CEP295: variants seen among roughly 807,000 people sequenced by gnomAD.
CEP295 encodes the protein centrosomal protein of 295 kDa.
In CEP295, 190 loss-of-function variants were observed where a neutral mutation model predicts 291.6. The observed-to-expected ratio is 0.65, with a 90% CI of 0.58 to 0.73. The LOEUF (loss-of-function observed/expected upper bound fraction) is 0.73, where lower values mean the gene tolerates loss of function less well. CEP295 is among the 30% of genes least tolerant of loss of function. The pLI, the probability that CEP295 is intolerant of heterozygous loss-of-function variation, is 0.00. For synonymous variants in CEP295, 993 were observed against 1,038.8 expected (o/e 0.96, Z 0.85); for missense variants, 2,863 against 2,949.4 (o/e 0.97, Z 0.68).
At chr11:93,669,557 A>G in intron 4 of CEP295, 120 bp from the exon 5 acceptor site, 1 of 612,454 alleles carries the variant, frequency 1.6e-6, no homozygotes, top group Non-Finnish European at 2.9e-6. Flanking sequence ...TGTAAAGCTT[A>G]CTGAGCCTGT....
intron 20 of CEP295, chr11:93,722,564 A>T (rs1007252936): frequency 3.1e-5 from 5 of 160,318 alleles, no homozygotes; most frequent in South Asian, 1.8e-4. Context: ...ATCCCCAACA[A>T]TACTTTTGAG....
chr11:93,695,369 T>C, intron 12 of CEP295, 128 bp from the exon 13 acceptor site: 1 of 545,108 alleles, frequency 1.8e-6, no homozygotes, highest in Non-Finnish European at 3.0e-6. Flanking sequence ...AGATAAAGCA[T>C]CAACACTTAC....
In CEP295 at chr11:93,668,912, A is replaced by G; in HGVS notation, c.414A>G (p.Ile138Met). The change falls in exon 4 of 30, where the codon ATA (isoleucine) becomes ATG (methionine). Residue 138 changes from isoleucine to methionine, a missense_variant. Ile to Met is a conservative substitution (Grantham distance 10, BLOSUM62 1). This residue lies in a region of CEP295 where 554 missense variants were observed against 576.0 expected (regional missense o/e 0.96). Transcript: ENST00000325212. ...AAGTACAGAAAAATCAAAAAGAAAT[A>G]TTACTGAAACAAAAAACCTGGTAAA... ...ALKVQKNQKE[I>M]LLKQKTWHIK... 8.0e-7 allele frequency: 1 copy of G among 1,242,550 alleles called. No individual in the cohort carries two copies. Among genetic ancestry groups the G allele is most frequent in the Non-Finnish European group, 1.1e-6 (1 of 887,340 alleles). The allele number at this position is 1,242,550 out of a possible 1,614,324, so 77.0% of individuals were successfully genotyped here. A position where few individuals can be genotyped will look rare whatever the true frequency, so the allele number is the denominator to read the frequency against.
chr11:93,722,762 A>ATTTTTTTTTTTTT, intron 20 of CEP295: 1 of 279,344 alleles, frequency 3.6e-6, no homozygotes, highest in Non-Finnish European at 6.8e-6. Context: ...TGTCAATTAC[A>ATTTTTTTTTTTTT]TTTTTTTTTC....
chr11:93,699,488 C>G lies in CEP295; in HGVS notation c.4576C>G (p.Gln1526Glu). 6.4e-7 allele frequency: 1 copy of G among 1,551,680 alleles called. No homozygotes were observed. The highest frequency in any genetic ancestry group is 8.7e-7 in the Non-Finnish European group (1 of 1,146,974). The change falls in exon 15 of 30, where the codon CAA becomes GAA. Residue 1526 changes from glutamine (Q) to glutamate (E), a missense_variant. Gln to Glu is a conservative substitution (Grantham distance 29, BLOSUM62 2). Around this residue, in one of 3 missense-constraint regions of CEP295, gnomAD observed 2,295 missense variants for 2,335.7 expected, o/e 0.98. Transcript: ENST00000325212. ...KKAIRSIQEV[Q>E]EELLLQRLSE... ...AGCCATTCGATCTATACAGGAAGTC[C>G]AAGAAGAATTGCTTTTGCAAAGATT...
At chr11:93,726,114 TTTTG>T (rs1191705243) in intron 23 of CEP295, among the ~76,000 whole-genome samples, 3 of 150,530 alleles carry the variant, frequency 2.0e-5, no homozygotes, top group Non-Finnish European at 4.4e-5. Flanking sequence ...TGTTTGTTTT[TTTTG>T]TTTTTGTTTT....
rs201887369 is a variant in CEP295 at position 93,698,829 on chromosome 11, C to G, written c.3917C>G (p.Ala1306Gly). 4 of 1,551,620 alleles carry G rather than the reference C, an allele frequency of 2.6e-6. No homozygotes were observed. The highest frequency in any genetic ancestry group is 1.7e-4 in the Middle Eastern group (1 of 6,014). Residue 1306 changes from alanine (A) to glycine (G), a missense_variant, in exon 15 of 30, where the codon GCT becomes GGT. Ala to Gly is a moderately conservative substitution (Grantham distance 60). Transcript: ENST00000325212. ...VQLSFTSLAS[A>G]ESGTILEPLF... ...CTTTCATTTACTTCGTTAGCTTCAG[C>G]TGAGTCTGGCACAATCCTGGAACCT...
chr11:93,699,000 A>G lies in CEP295; in HGVS notation c.4088A>G (p.Glu1363Gly), dbSNP rs1427486463. The G allele has an allele frequency of 2.6e-6, 4 of 1,549,192 alleles. No individual in the cohort carries two copies. In the Admixed American group the frequency reaches 7.8e-5, roughly 30 times the overall value. ...ALQEQLATQREAIILARQEAR... is the reference protein window; with the variant it reads ...ALQEQLATQRGAIILARQEAR... ...CAAGAACAGTTAGCTACACAGAGAG[A>G]AGCCATCATTCTAGCTAGACAAGAA... Residue 1363 changes from glutamate to glycine, a missense_variant, in exon 15 of 30, where the codon GAA becomes GGA. Coordinates refer to ENST00000325212, the MANE Select transcript of CEP295 (RefSeq NM_033395.2).
At chr11:93,718,128 C>A (rs183878395) in intron 18 of CEP295, among the ~76,000 whole-genome samples, 1 of 152,306 alleles carries the variant, frequency 6.6e-6, no homozygotes, top group East Asian at 1.9e-4. Context: ...CCAGACTGGT[C>A]TTGAACCCCT....
In CEP295 at chr11:93,710,925, C is replaced by A. The variant is rs137914009; in HGVS notation, c.5749+4028C>A. Among the ~76,000 whole-genome samples the A allele has an allele frequency of 8.1e-4, 123 of 152,186 alleles. No homozygotes were observed. In the East Asian group the frequency reaches 0.02, roughly 24 times the overall value. The stretch of plus-strand genomic sequence containing the variant: ...GTTGCTAATAGTAGTCTCTAACGAT[C>A]CTTTAAATTTCTGCAGTATCTGTTG... On this transcript the variant is annotated intron_variant, in intron 18 of 29. Coordinates refer to ENST00000325212, the MANE Select transcript of CEP295 (RefSeq NM_033395.2).
chr11:93,697,128 A>G lies in CEP295; in HGVS notation c.2216A>G (p.His739Arg), dbSNP rs992845489. ...DSETLSRALS[H>R]DRQLISQDAR... ...GAGACACTTTCAAGGGCTTTGTCACATGACAGGCAGCTAATATCACAGGAT... is the reference window on the plus strand; with the variant it reads ...GAGACACTTTCAAGGGCTTTGTCACGTGACAGGCAGCTAATATCACAGGAT... Residue 739 changes from histidine to arginine, a missense_variant, in exon 15 of 30, where the codon CAT (histidine) becomes CGT (arginine). Transcript: ENST00000325212. 1 of 1,551,888 alleles carries G rather than the reference A, an allele frequency of 6.4e-7. No homozygotes were observed. Among genetic ancestry groups the G allele is most frequent in the Admixed American group, 2.0e-5 (1 of 51,014 alleles).
At chr11:93,671,911 C>A (rs959929687) in intron 5 of CEP295, among the ~76,000 whole-genome samples, 4 of 152,146 alleles carry the variant, frequency 2.6e-5, no homozygotes, top group Non-Finnish European at 5.9e-5. Flanking sequence ...AAACCAAGGT[C>A]TTTCCTTAAT....
At chr11:93,668,566 C>T (rs1316145819) in intron 3 of CEP295, among the ~76,000 whole-genome samples, 1 of 152,032 alleles carries the variant, frequency 6.6e-6, no homozygotes, top group African/African-American at 2.4e-5. Context: ...CTAAGTAGTT[C>T]GATATCCTAT....
At chr11:93,662,111 A>G (rs1490988944) in intron 1 of CEP295, among the ~76,000 whole-genome samples, 1 of 152,180 alleles carries the variant, frequency 6.6e-6, no homozygotes, top group African/African-American at 2.4e-5. Flanking sequence ...ACCCGCGGAC[A>G]TGGCCTGCCA....
chr11:93,694,784 T>C (rs886430952), intron 12 of CEP295, among the ~76,000 whole-genome samples: 7 of 152,240 alleles, frequency 4.6e-5, no homozygotes, highest in Non-Finnish European at 8.8e-5. Context: ...ATGAATTATT[T>C]CTGGAATTTT....
intron 20 of CEP295, 121 bp downstream of exon 20, chr11:93,722,171 C>T (rs1953781981): frequency 3.0e-6 from 2 of 667,260 alleles, no homozygotes; most frequent in Non-Finnish European, 2.6e-6. Flanking sequence ...TTCTCTAAAT[C>T]TCACAAGTAA....
chr11:93,729,358 A>G, intron 25 of CEP295, 76 bp from the exon 26 acceptor site: 1 of 962,232 alleles, frequency 1.0e-6, no homozygotes, highest in Non-Finnish European at 1.6e-6. Flanking sequence ...ATGCCGCTGC[A>G]CTCTAATCTG....
At chr11:93,682,866 C>T (rs1321354909) in intron 7 of CEP295, among the ~76,000 whole-genome samples, 1 of 152,096 alleles carries the variant, frequency 6.6e-6, no homozygotes, top group African/African-American at 2.4e-5. Flanking sequence ...TTTTTTCTTA[C>T]ATGTACTCAT....
At chr11:93,700,690 C>G (rs1480302410) in intron 15 of CEP295, among the ~76,000 whole-genome samples, 1 of 151,828 alleles carries the variant, frequency 6.6e-6, no homozygotes, top group Non-Finnish European at 1.5e-5. Context: ...ACACCTGACC[C>G]AAAGCTCAAT....
Sources: gnomAD v4.1 joint callset for allele counts (sites outside exome capture counted in the v4.1 genomes callset) on GRCh38, gnomAD v4.1.1 for gene constraint, gnomAD v4.1.1 regional missense constraint, MANE v1.5 for transcripts, NCBI Gene and HGNC (gene_info 2026-07-23, HGNC 2026-07-21) for gene names.